PRSS12: variants seen among roughly 807,000 people sequenced by gnomAD.
PRSS12 encodes neurotrypsin.
Under a neutral mutation model 104.4 loss-of-function variants are expected in PRSS12, and 85 were observed. That is an observed-to-expected ratio of 0.81 (90% CI 0.68 to 0.98). The LOEUF (loss-of-function observed/expected upper bound fraction) is 0.98, where lower values mean the gene tolerates loss of function less well. PRSS12 is among the 50% of genes least tolerant of loss of function. The pLI is 0.00. For missense variants in PRSS12, 1,141 were observed against 1,139.2 expected (o/e 1.00, Z -0.02); for synonymous variants, 454 against 425.2 (o/e 1.07, Z -0.83).
At chr4:118,319,526 G>C (rs937504331) in intron 4 of PRSS12, among the ~76,000 whole-genome samples, 3 of 152,128 alleles carry the variant, frequency 2.0e-5, no homozygotes, top group Non-Finnish European at 4.4e-5. Flanking sequence ...AGAGAGATTC[G>C]GGGCCTTAAT....
chr4:118,311,240 T>C (rs1743716914), intron 7 of PRSS12, among the ~76,000 whole-genome samples: 1 of 152,116 alleles, frequency 6.6e-6, no homozygotes, highest in African/African-American at 2.4e-5. Context: ...CTCACATAAC[T>C]GTATTCTTAC....
chr4:118,352,117 C>T, intron 1 of PRSS12, 102 bp downstream of exon 1: 1 of 1,519,830 alleles, frequency 6.6e-7, no homozygotes, highest in Non-Finnish European at 8.9e-7. Flanking sequence ...CCCACAACCC[C>T]ACACACCCCG....
Position 118,295,821 on chromosome 4 carries a change from G to A in PRSS12, c.1873C>T (p.His625Tyr), listed in dbSNP as rs1435876103. The part of the protein sequence containing the change: ...LSSVCGLRLL[H>Y]RRQKRIIGGK... ...CCAATGATCCGCTTCTGCCGACGGT[G>A]CAGTAATCTCAAGCCACAAACAGAT... The change falls in exon 10 of 13, where the codon CAC becomes TAC. Residue 625 changes from histidine (H) to tyrosine (Y), a missense_variant. Transcript: ENST00000296498. 15 of 1,613,978 alleles carry A rather than the reference G, an allele frequency of 9.3e-6. No homozygotes were observed. Among genetic ancestry groups the A allele is most frequent in the Non-Finnish European group, 1.1e-5 (13 of 1,179,982 alleles).
intron 1 of PRSS12, among the ~76,000 whole-genome samples, chr4:118,342,424 G>A (rs975148472): frequency 1.3e-5 from 2 of 152,148 alleles, no homozygotes; most frequent in East Asian, 1.9e-4. Context: ...TTGTGTCCCT[G>A]GACCACACCG....
chr4:118,301,101 G>A (rs1743395936), intron 8 of PRSS12, among the ~76,000 whole-genome samples: 2 of 151,296 alleles, frequency 1.3e-5, no homozygotes, highest in Admixed American at 6.6e-5. Flanking sequence ...TGTATATCAC[G>A]GTTCTTGTCT....
At chr4:118,311,803 A>C (rs186577498) in intron 7 of PRSS12, among the ~76,000 whole-genome samples, 1 of 152,316 alleles carries the variant, frequency 6.6e-6, no homozygotes, top group Admixed American at 6.5e-5. Context: ...TAGTTATTCC[A>C]ACCATATGAT....
chr4:118,315,045 G>A (rs1411630708), intron 6 of PRSS12, among the ~76,000 whole-genome samples: 2 of 151,962 alleles, frequency 1.3e-5, no homozygotes, highest in East Asian at 3.9e-4. Flanking sequence ...AAAAATTACA[G>A]TAACTTCTCT....
In PRSS12 at chr4:118,352,515, G is replaced by C. The variant is rs1724541215; in HGVS notation, c.206C>G (p.Pro69Arg). The C allele has an allele frequency of 4.1e-6, 6 of 1,453,748 alleles. No homozygotes were observed. Among genetic ancestry groups the C allele is most frequent in the African/African-American group, 1.5e-5 (1 of 68,028 alleles). 90.1% of individuals were successfully genotyped at this position (1,453,748 alleles called of 1,614,324 possible). A position where few individuals can be genotyped will look rare whatever the true frequency, so the allele number is the denominator to read the frequency against. The part of the protein sequence containing the change: ...PPPLPRFPRP[P>R]RALPAQRPHA... Reference sequence around the variant, plus strand: ...CGGGCGCTGGGCAGGGAGCGCCCGCGGGGGGCGCGGGAAGCGCGGGAGAGG... The same window carrying C: ...CGGGCGCTGGGCAGGGAGCGCCCGCCGGGGGCGCGGGAAGCGCGGGAGAGG... Residue 69 changes from proline (P) to arginine (R), a missense_variant, in exon 1 of 13, where the codon CCG becomes CGG. By Grantham distance (103) the Pro-to-Arg change is moderately radical. Transcript: ENST00000296498.
At chr4:118,302,873 T>G (rs778509463) in intron 8 of PRSS12, among the ~76,000 whole-genome samples, 6 of 152,218 alleles carry the variant, frequency 3.9e-5, no homozygotes, top group Non-Finnish European at 7.3e-5. Flanking sequence ...TTATTAACCT[T>G]CTTTAAAAAT....
At chr4:118,348,598 CATA>C (rs1724412853) in intron 1 of PRSS12, among the ~76,000 whole-genome samples, 2 of 152,038 alleles carry the variant, frequency 1.3e-5, no homozygotes, top group Non-Finnish European at 2.9e-5. Flanking sequence ...TCTAAATGCT[CATA>C]ATGAGACCAG....
intron 5 of PRSS12, 41 bp downstream of exon 5, chr4:118,318,337 T>C (rs1236368289): frequency 6.2e-7 from 1 of 1,603,114 alleles, no homozygotes; most frequent in East Asian, 2.2e-5. Flanking sequence ...GACATGGTAC[T>C]GGGGGCAAGA....
intron 7 of PRSS12, 192 bp downstream of exon 7, chr4:118,313,009 A>G: frequency 1.5e-6 from 1 of 647,392 alleles, no homozygotes; most frequent in Non-Finnish European, 2.6e-6. Flanking sequence ...TAGGGGTAGA[A>G]ATTTCATAAT....
intron 7 of PRSS12, among the ~76,000 whole-genome samples, chr4:118,309,669 G>T (rs545235208): frequency 6.6e-6 from 1 of 152,280 alleles, no homozygotes; most frequent in African/African-American, 2.4e-5. Flanking sequence ...TACTAGAAGG[G>T]TCTCCAGCTT....
chr4:118,286,943 G>C (rs1332998600), intron 11 of PRSS12, among the ~76,000 whole-genome samples: 2 of 152,026 alleles, frequency 1.3e-5, no homozygotes, highest in Non-Finnish European at 2.9e-5. Flanking sequence ...AATGCAAAAA[G>C]CATACATGTT....
chr4:118,342,331 T>A (rs1724235763), intron 1 of PRSS12, among the ~76,000 whole-genome samples: 2 of 152,190 alleles, frequency 1.3e-5, no homozygotes, highest in Non-Finnish European at 2.9e-5. Context: ...TTGTCCAATT[T>A]TTTATTATCA....
intron 6 of PRSS12, 60 bp from the exon 7 acceptor site, chr4:118,313,457 A>G: frequency 6.5e-7 from 1 of 1,543,718 alleles, no homozygotes; most frequent in South Asian, 1.1e-5. Flanking sequence ...AGGGAACCAC[A>G]AAACATTTAA....
chr4:118,310,183 T>C (rs553893857), intron 7 of PRSS12, among the ~76,000 whole-genome samples: 15 of 152,362 alleles, frequency 9.8e-5, no homozygotes, highest in Admixed American at 9.2e-4. Flanking sequence ...AGTGAAAAAG[T>C]GATCCTCAGA....
chr4:118,352,738 GT>G lies in PRSS12; in HGVS notation c.-19del, dbSNP rs750231958. 5.5e-5 allele frequency: 88 copies of G among 1,611,656 alleles called. No individual in the cohort carries two copies. The highest frequency in any genetic ancestry group is 6.8e-5 in the Non-Finnish European group (80 of 1,178,902). On this transcript the variant is annotated 5_prime_UTR_variant, in exon 1 of 13. Coordinates refer to ENST00000296498, the MANE Select transcript of PRSS12 (RefSeq NM_003619.4). Reference sequence around the variant, plus strand: ...AGCGTCATGGTGCCAGCGCTGCGGGGTCTGGTCCATGCTCCCCAGCTTCTCG... The same window carrying G: ...AGCGTCATGGTGCCAGCGCTGCGGGGCTGGTCCATGCTCCCCAGCTTCTCG...
At chr4:118,342,378 G>A (rs1489007793) in intron 1 of PRSS12, among the ~76,000 whole-genome samples, 1 of 152,046 alleles carries the variant, frequency 6.6e-6, no homozygotes, top group Non-Finnish European at 1.5e-5. Context: ...CATTCTCCTA[G>A]AGCAACCAAC....
Sources: allele counts gnomAD v4.1 joint callset (sites outside exome capture counted in the v4.1 genomes callset), GRCh38; gene constraint gnomAD v4.1.1; transcripts MANE v1.5; gene names NCBI Gene and HGNC (gene_info 2026-07-23, HGNC 2026-07-21).